EBF1: variants seen among roughly 807,000 people sequenced by gnomAD.
The protein encoded by EBF1 is EBF transcription factor 1.
Under a neutral mutation model 68.4 loss-of-function variants are expected in EBF1, and 10 were observed. That is an observed-to-expected ratio of 0.15 (90% CI 0.09 to 0.25). The LOEUF is 0.25. Ranked by LOEUF, EBF1 falls within the 10% of genes least tolerant of loss-of-function variation. The pLI is 1.00. For missense variants in EBF1, 509 were observed against 794.4 expected (o/e 0.64, Z 4.32); for synonymous variants, 298 against 299.8 (o/e 0.99, Z 0.06).
rs1354260767 is a variant in EBF1, at chr5:158,737,309, A to T, written c.1037-6152T>A. 4.6e-4 allele frequency among the ~76,000 whole-genome samples: 44 copies of T among 96,134 alleles called. 1 individual carries two copies. Among genetic ancestry groups the T allele is most frequent in the Non-Finnish European group, 3.7e-5 (2 of 54,186 alleles). 63.1% of individuals were successfully genotyped at this position (96,134 alleles called of 152,430 possible). On this transcript the variant is annotated intron_variant, in intron 10 of 15. Transcript: ENST00000313708. ...TTTTTTTTTTTTTTTTTTGAGACGG[A>T]GTCTCGCTCCGTCGCCCAGGGTGGA... is the stretch of plus-strand genomic sequence containing the variant.
chr5:159,028,242 G>A (rs928548607), intron 6 of EBF1, among the ~76,000 whole-genome samples: 5 of 152,132 alleles, frequency 3.3e-5, no homozygotes, highest in African/African-American at 1.2e-4. Flanking sequence ...AGGAGGACTT[G>A]GGGTAAGGAT....
chr5:159,019,123 A>G (rs1358249016), intron 6 of EBF1: 1 of 152,164 alleles, frequency 6.6e-6, no homozygotes, highest in Non-Finnish European at 1.5e-5. Context: ...ACCAACCATA[A>G]TTCCCACGAC....
chr5:158,926,720 T>A (rs1583224227), intron 6 of EBF1, among the ~76,000 whole-genome samples: 3 of 127,304 alleles, frequency 2.4e-5, no homozygotes, highest in East Asian at 4.4e-4. Flanking sequence ...ACAGAGAGAC[T>A]ACATTTCAAA....
intron 10 of EBF1, among the ~76,000 whole-genome samples, chr5:158,743,169 A>G (rs970699020): frequency 6.6e-6 from 1 of 152,198 alleles, no homozygotes; most frequent in Non-Finnish European, 1.5e-5. Flanking sequence ...ACACTGCACA[A>G]AAGGAGGAAA....
chr5:159,051,361 A>T (rs1460292443), intron 6 of EBF1, among the ~76,000 whole-genome samples: 4 of 79,220 alleles, frequency 5.0e-5, no homozygotes, highest in Admixed American at 4.0e-4. Context: ...AGCCCCCCAA[A>T]CAAATCCCCC....
At chr5:158,972,589 C>A (rs1755860487) in intron 6 of EBF1, among the ~76,000 whole-genome samples, 1 of 152,204 alleles carries the variant, frequency 6.6e-6, no homozygotes, top group South Asian at 2.1e-4. Context: ...GTTGGAAACG[C>A]TTCCCTTTAG....
At chr5:158,738,901 T>A (rs1188270247) in intron 10 of EBF1, among the ~76,000 whole-genome samples, 1 of 152,242 alleles carries the variant, frequency 6.6e-6, no homozygotes. Flanking sequence ...CTAACAGGAA[T>A]CTCTGTGCCT....
Position 158,712,221 on chromosome 5 carries a change from G to A in EBF1, c.1482C>T (p.Ala494=), listed in dbSNP as rs778335068. The A allele has an allele frequency of 4.3e-6, 7 of 1,613,658 alleles. No individual in the cohort carries two copies. The highest frequency in any genetic ancestry group is 3.3e-5 in the South Asian group (3 of 90,954). Residue 494 remains alanine, a synonymous_variant, in exon 14 of 16, where the codon GCC becomes GCT. Coordinates refer to ENST00000313708, the MANE Select transcript of EBF1 (RefSeq NM_024007.5). ...VTTSMNGYGS[A]AMSNLGGSPT... Reference sequence around the variant, plus strand: ...GGGAGCCGCCCAAATTGGACATTGCGGCAGAGCCGTATCCGTTCATGCTCG... The same window carrying A: ...GGGAGCCGCCCAAATTGGACATTGCAGCAGAGCCGTATCCGTTCATGCTCG...
chr5:159,036,318 T>C (rs1770049890), intron 6 of EBF1, among the ~76,000 whole-genome samples: 1 of 151,900 alleles, frequency 6.6e-6, no homozygotes, highest in Non-Finnish European at 1.5e-5. Flanking sequence ...AAAGTTCATA[T>C]GGAACCAAAA....
chr5:158,982,682 C>CT (rs11371442), intron 6 of EBF1, among the ~76,000 whole-genome samples: 31,559 of 151,702 alleles, frequency 0.21, 3,904 homozygotes, highest in African/African-American at 0.35. Context: ...GTCCAGCTTG[C>CT]TTTTTTTTGG....
intron 10 of EBF1, among the ~76,000 whole-genome samples, chr5:158,776,796 G>C (rs114970401): frequency 6.6e-6 from 1 of 152,174 alleles, no homozygotes; most frequent in African/African-American, 2.4e-5. Context: ...ATCTCTTAGC[G>C]TACACATTGG....
At chr5:158,703,820 C>G (rs983032456) in intron 15 of EBF1, among the ~76,000 whole-genome samples, 2 of 152,162 alleles carry the variant, frequency 1.3e-5, no homozygotes, top group Non-Finnish European at 2.9e-5. Context: ...CTGAATCCCA[C>G]TTGTTCCTCC....
intron 6 of EBF1, among the ~76,000 whole-genome samples, chr5:158,965,566 T>C (rs1234153959): frequency 6.6e-6 from 1 of 152,218 alleles, no homozygotes; most frequent in African/African-American, 2.4e-5. Context: ...ATTCTGCATT[T>C]ATCCCAACCT....
At chr5:159,042,181 T>C (rs1771337229) in intron 6 of EBF1, among the ~76,000 whole-genome samples, 1 of 152,134 alleles carries the variant, frequency 6.6e-6, no homozygotes. Flanking sequence ...CCTACCTCAT[T>C]CATGGGGATC....
intron 6 of EBF1, among the ~76,000 whole-genome samples, chr5:159,066,315 A>G (rs1161779832): frequency 6.6e-6 from 1 of 152,202 alleles, no homozygotes; most frequent in Non-Finnish European, 1.5e-5. Context: ...ATTGTGTAGG[A>G]TCAATCTATA....
chr5:158,942,394 C>G (rs1341099875), intron 6 of EBF1, among the ~76,000 whole-genome samples: 1 of 152,204 alleles, frequency 6.6e-6, no homozygotes, highest in Non-Finnish European at 1.5e-5. Context: ...GTTACTTCAG[C>G]TATTTTAGCT....
intron 6 of EBF1, among the ~76,000 whole-genome samples, chr5:158,843,973 C>T (rs1251020036): frequency 6.6e-6 from 1 of 152,120 alleles, no homozygotes; most frequent in Non-Finnish European, 1.5e-5. Context: ...TATTGTAACT[C>T]AAAACCTCAC....
chr5:159,035,707 C>T (rs1280796066), intron 6 of EBF1, among the ~76,000 whole-genome samples: 1 of 152,154 alleles, frequency 6.6e-6, no homozygotes, highest in Non-Finnish European at 1.5e-5. Flanking sequence ...TTTATCAGAT[C>T]CCAAATTATT....
chr5:159,050,329 T>C (rs955715679), intron 6 of EBF1, among the ~76,000 whole-genome samples: 5 of 151,938 alleles, frequency 3.3e-5, no homozygotes, highest in African/African-American at 1.2e-4. Flanking sequence ...CCTCTTGTTC[T>C]CTCTTGACTT....
Sources: gnomAD v4.1 joint callset for allele counts (sites outside exome capture counted in the v4.1 genomes callset) on GRCh38, gnomAD v4.1.1 for gene constraint, MANE v1.5 for transcripts, NCBI Gene and HGNC (gene_info 2026-07-23, HGNC 2026-07-21) for gene names.